The following CTNNA3 variants were observed in gnomAD, a reference collection of about 807,000 sequenced individuals.
The protein encoded by CTNNA3 is catenin alpha-3.
A neutral mutation model predicts 95.7 loss-of-function variants in CTNNA3; 76 were observed. That is an observed-to-expected ratio of 0.79 (90% CI 0.66 to 0.96). The LOEUF (loss-of-function observed/expected upper bound fraction) is 0.96. Among genes scored for constraint, CTNNA3 ranks in the 40% least tolerant of loss-of-function variants. CTNNA3 has a pLI of 0.00. For synonymous variants in CTNNA3, 431 were observed against 374.4 expected (o/e 1.15, Z -1.74); for missense variants, 1,191 against 1,089.8 (o/e 1.09, Z -1.31).
At chr10:66,947,979 G>C (rs942065218) in intron 7 of CTNNA3, among the ~76,000 whole-genome samples, 1 of 152,196 alleles carries the variant, frequency 6.6e-6, no homozygotes. Flanking sequence ...TGTTAGGCTA[G>C]GAACTTACTT....
In CTNNA3 at chr10:66,554,501, C is replaced by T. The variant is rs933018399; in HGVS notation, c.1375-33728G>A. Among the ~76,000 whole-genome samples the T allele has an allele frequency of 2.0e-5, 3 of 152,140 alleles. No homozygotes were observed. The East Asian group carries it at 5.8e-4, about 29-fold the overall frequency. On this transcript the variant is annotated intron_variant, in intron 10 of 17. Transcript: ENST00000433211. The stretch of plus-strand genomic sequence containing the variant: ...CAATGGCAAATATGCCAGAACTTCT[C>T]CTATTTTTAATAGCTGTTACTCTTT...
chr10:66,096,770 C>G (rs897409968), intron 14 of CTNNA3, among the ~76,000 whole-genome samples: 3 of 152,028 alleles, frequency 2.0e-5, no homozygotes, highest in Admixed American at 6.6e-5. Context: ...GTGATCCACC[C>G]ACCTCAGCCT....
intron 14 of CTNNA3, among the ~76,000 whole-genome samples, chr10:66,095,676 A>G (rs2081363035): frequency 6.6e-6 from 1 of 152,090 alleles, no homozygotes; most frequent in African/African-American, 2.4e-5. Flanking sequence ...AGTTTTTCCT[A>G]TCACCAACAT....
intron 5 of CTNNA3, among the ~76,000 whole-genome samples, chr10:67,368,251 C>T (rs1046264617): frequency 1.3e-5 from 2 of 152,086 alleles, no homozygotes; most frequent in African/African-American, 4.8e-5. Context: ...CAAATAAGCA[C>T]GTGAGATGTT....
intron 7 of CTNNA3, among the ~76,000 whole-genome samples, chr10:66,912,807 C>G (rs1473401570): frequency 3.3e-5 from 5 of 152,206 alleles, no homozygotes; most frequent in Non-Finnish European, 7.4e-5. Flanking sequence ...TAAATGAACA[C>G]ACGGGGGAAC....
At chr10:67,615,554 C>G (rs547558351) in intron 2 of CTNNA3, among the ~76,000 whole-genome samples, 1 of 152,232 alleles carries the variant, frequency 6.6e-6, no homozygotes, top group South Asian at 2.1e-4. Context: ...TGATGGTGCA[C>G]CTACACTGTG....
At chr10:66,582,076 G>T (rs542785863) in intron 10 of CTNNA3, among the ~76,000 whole-genome samples, 5 of 151,920 alleles carry the variant, frequency 3.3e-5, no homozygotes, top group Admixed American at 6.6e-5. Flanking sequence ...GTTAGGTAAT[G>T]TGATGCCTCC....
intron 7 of CTNNA3, among the ~76,000 whole-genome samples, chr10:66,872,355 G>A (rs1039478489): frequency 6.6e-6 from 1 of 152,078 alleles, no homozygotes; most frequent in Non-Finnish European, 1.5e-5. Flanking sequence ...TCTGATTCTA[G>A]AGTTTATGTT....
At chr10:67,001,249 C>A (rs1282104413) in intron 7 of CTNNA3, among the ~76,000 whole-genome samples, 2 of 146,710 alleles carry the variant, frequency 1.4e-5, no homozygotes, top group African/African-American at 5.1e-5. Flanking sequence ...TGCAGTGAGC[C>A]GAGATGGAGC....
At chr10:66,232,044 A>G (rs1359182620) in intron 13 of CTNNA3, among the ~76,000 whole-genome samples, 3 of 152,222 alleles carry the variant, frequency 2.0e-5, no homozygotes, top group Non-Finnish European at 2.9e-5. Flanking sequence ...CTAATGAAAT[A>G]CAACCCACAG....
intron 13 of CTNNA3, among the ~76,000 whole-genome samples, chr10:66,229,070 A>AT (rs1236283190): frequency 2.6e-5 from 4 of 152,086 alleles, no homozygotes; most frequent in Non-Finnish European, 4.4e-5. Flanking sequence ...AGTTAGGTCA[A>AT]TTTTTTAAAT....
chr10:65,952,218 C>T (rs889907673), intron 17 of CTNNA3, among the ~76,000 whole-genome samples: 1 of 152,042 alleles, frequency 6.6e-6, no homozygotes, highest in African/African-American at 2.4e-5. Flanking sequence ...CAAGGAAATG[C>T]CTTAGTCCAC....
At chr10:65,924,687 T>A (rs1411429314) in intron 17 of CTNNA3, among the ~76,000 whole-genome samples, 2 of 152,200 alleles carry the variant, frequency 1.3e-5, no homozygotes, top group Non-Finnish European at 2.9e-5. Flanking sequence ...CTGTCTACCA[T>A]TTTTAGAGAA....
chr10:67,365,084 A>G (rs1032921383), intron 5 of CTNNA3, among the ~76,000 whole-genome samples: 3 of 152,236 alleles, frequency 2.0e-5, no homozygotes, highest in African/African-American at 7.2e-5. Context: ...ATCTACAACT[A>G]TCTAATCTTT....
intron 11 of CTNNA3, among the ~76,000 whole-genome samples, chr10:66,441,229 A>C (rs61867210): frequency 0.26 from 40,205 of 151,926 alleles, 5,463 homozygotes; most frequent in South Asian, 0.39. Flanking sequence ...TGCTTTTCTG[A>C]TGGTGCTTGC....
intron 9 of CTNNA3, among the ~76,000 whole-genome samples, chr10:66,677,546 G>A (rs545997821): frequency 1.3e-5 from 2 of 152,152 alleles, no homozygotes; most frequent in Admixed American, 6.5e-5. Context: ...AGGACCCAAT[G>A]GGAGGTAATT....
intron 5 of CTNNA3, among the ~76,000 whole-genome samples, chr10:67,234,798 A>G (rs962039477): frequency 6.6e-6 from 1 of 152,036 alleles, no homozygotes; most frequent in African/African-American, 2.4e-5. Context: ...TTAAGCTGAT[A>G]AGCAACTTCA....
chr10:67,420,684 T>C (rs1488439178), intron 5 of CTNNA3, among the ~76,000 whole-genome samples: 1 of 152,170 alleles, frequency 6.6e-6, no homozygotes, highest in Non-Finnish European at 1.5e-5. Flanking sequence ...TATCTTTATT[T>C]TCCTTATTAC....
chr10:66,065,139 G>C (rs912718212), intron 15 of CTNNA3, among the ~76,000 whole-genome samples: 5 of 151,980 alleles, frequency 3.3e-5, no homozygotes, highest in African/African-American at 9.7e-5. Flanking sequence ...CTTTACCCTG[G>C]GTGGCCAAAA....
Sources: gnomAD v4.1 joint callset for allele counts (sites outside exome capture counted in the v4.1 genomes callset) on GRCh38, gnomAD v4.1.1 for gene constraint, MANE v1.5 for transcripts, NCBI Gene and HGNC (gene_info 2026-07-23, HGNC 2026-07-21) for gene names.